HEATR5A: variants seen among roughly 807,000 people sequenced by gnomAD.
The protein encoded by HEATR5A is HEAT repeat containing 5A.
In HEATR5A, 178 loss-of-function variants were observed where a neutral mutation model predicts 218.8. The observed-to-expected ratio is 0.81, with a 90% confidence interval of 0.72 to 0.92. The LOEUF (loss-of-function observed/expected upper bound fraction) is 0.92. Among genes scored for constraint, HEATR5A ranks in the 40% least tolerant of loss-of-function variants. The pLI is 0.00. For synonymous variants in HEATR5A, 864 were observed against 871.6 expected, an observed-to-expected ratio of 0.99 and a Z score of 0.15; for missense variants, 2,420 against 2,418.9, an observed-to-expected ratio of 1.00 and a Z score of -0.01.
chr14:31,387,513 T>A (rs2139283817), intron 7 of HEATR5A, 138 bp from the exon 8 acceptor site: 1 of 725,666 alleles, frequency 1.4e-6, no homozygotes, highest in South Asian at 2.0e-5. Flanking sequence ...CCACTTGAAA[T>A]ATACAAACAT....
intron 7 of HEATR5A, 128 bp downstream of exon 7, chr14:31,388,717 A>G (rs775717781): frequency 1.4e-5 from 9 of 629,492 alleles, no homozygotes; most frequent in Non-Finnish European, 2.4e-5. Context: ...CTTACCATTT[A>G]TATCTATTTA....
intron 4 of HEATR5A, among the ~76,000 whole-genome samples, chr14:31,397,559 C>T (rs912573206): frequency 5.3e-5 from 8 of 150,730 alleles, no homozygotes; most frequent in African/African-American, 2.0e-4. Context: ...CTTGTGAGGC[C>T]GAGGCTGGAG....
intron 3 of HEATR5A, among the ~76,000 whole-genome samples, chr14:31,399,161 A>C (rs1402875052): frequency 6.6e-6 from 1 of 152,242 alleles, no homozygotes; most frequent in Non-Finnish European, 1.5e-5. Flanking sequence ...ATACAGTTAT[A>C]CTGGCATCAT....
intron 28 of HEATR5A, 48 bp from the exon 29 acceptor site, chr14:31,309,230 T>G (rs753145350): frequency 6.3e-7 from 1 of 1,577,440 alleles, no homozygotes; most frequent in Non-Finnish European, 8.6e-7. Flanking sequence ...TTCCAATATA[T>G]TTTCTCTTTT....
chr14:31,297,970 T>G (rs1404175338), intron 33 of HEATR5A, among the ~76,000 whole-genome samples: 2 of 152,216 alleles, frequency 1.3e-5, no homozygotes, highest in African/African-American at 2.4e-5. Flanking sequence ...CTAATTTGTT[T>G]AGTAAAAATG....
rs1216255347 is a variant in HEATR5A, at chr14:31,388,290, G to A, written c.933+555C>T. On this transcript the variant is annotated intron_variant, in intron 7 of 35. Transcript: ENST00000543095. ...TCAAAAATACAAGTTTGCTTTGAATGATAACGGTGTTTAGAAAAAAAAAGA... is the reference window on the plus strand; with the variant it reads ...TCAAAAATACAAGTTTGCTTTGAATAATAACGGTGTTTAGAAAAAAAAAGA... Among the ~76,000 whole-genome samples, 4 of 152,088 alleles carry A rather than the reference G, an allele frequency of 2.6e-5. 1 individual carries two copies. Among genetic ancestry groups the A allele is most frequent in the Non-Finnish European group, 5.9e-5 (4 of 68,016 alleles).
At chr14:31,337,704 TCTGTCCAGCCCATCAGTGGG>T in intron 21 of HEATR5A, 90 bp from the exon 22 acceptor site, 1 of 1,128,330 alleles carries the variant, frequency 8.9e-7, no homozygotes, top group Admixed American at 2.5e-5. Context: ...CCTTCCTGAT[TCTGTCCAGCCCATCAGTGGG>T]CTGGACACAA....
chr14:31,373,611 G>A (rs1025863428), intron 12 of HEATR5A, among the ~76,000 whole-genome samples: 5 of 152,114 alleles, frequency 3.3e-5, no homozygotes, highest in Admixed American at 6.5e-5. Context: ...GATTACAAGC[G>A]TGAGCCACAG....
intron 6 of HEATR5A, among the ~76,000 whole-genome samples, chr14:31,393,639 T>C (rs768400056): frequency 2.8e-5 from 4 of 141,966 alleles, no homozygotes; most frequent in African/African-American, 1.0e-4. Flanking sequence ...CCTACAGCAA[T>C]GTTTATGAAT....
intron 11 of HEATR5A, among the ~76,000 whole-genome samples, chr14:31,377,704 C>T (rs185562739): frequency 7.3e-4 from 111 of 151,946 alleles, no homozygotes; most frequent in African/African-American, 2.5e-3. Context: ...CCCGAGCCTG[C>T]GGAGGTCGAG....
At chr14:31,337,638 G>A (rs756742142) in intron 21 of HEATR5A, 24 bp from the exon 22 acceptor site, 10 of 1,586,690 alleles carry the variant, frequency 6.3e-6, no homozygotes, top group African/African-American at 1.3e-5. Flanking sequence ...TTTGAGGAAC[G>A]ACAGAGCTAA....
chr14:31,413,573 G>A (rs1242118963), intron 1 of HEATR5A, among the ~76,000 whole-genome samples: 1 of 152,044 alleles, frequency 6.6e-6, no homozygotes, highest in Admixed American at 6.6e-5. Flanking sequence ...GTTCTGGGGG[G>A]TGGGAGGGGA....
intron 19 of HEATR5A, among the ~76,000 whole-genome samples, chr14:31,346,634 G>C (rs1364289363): frequency 1.3e-5 from 2 of 152,216 alleles, no homozygotes; most frequent in African/African-American, 4.8e-5. Context: ...GGGGTCAGTT[G>C]ATGGGACTGG....
At chr14:31,321,794 C>A in intron 24 of HEATR5A, 114 bp from the exon 25 acceptor site, 1 of 730,280 alleles carries the variant, frequency 1.4e-6, no homozygotes, top group South Asian at 2.0e-5. Flanking sequence ...GTACCTCTGA[C>A]TTGATATACT....
chr14:31,367,461 G>A (rs150315842), intron 13 of HEATR5A, among the ~76,000 whole-genome samples: 1,898 of 151,012 alleles, frequency 0.013, 25 homozygotes, highest in African/African-American at 0.037. Context: ...GTGCAGTGGC[G>A]TGATCTTGAC....
At position 31,358,751 on chromosome 14, in the gene HEATR5A, T is replaced by A; in HGVS notation, c.2297A>T (p.Glu766Val). 1 of 1,613,852 alleles carries A rather than the reference T, an allele frequency of 6.2e-7. No individual in the cohort carries two copies. The highest frequency in any genetic ancestry group is 1.1e-5 in the South Asian group (1 of 91,072). The change falls in exon 16 of 36, where the codon GAG becomes GTG. Residue 766 changes from glutamate to valine, a missense_variant. Glu to Val is a moderately radical substitution (Grantham distance 121, BLOSUM62 -2). Transcript: ENST00000543095. ...SLEYDPYSIYEKDVEGDSVPK... is the reference protein window; with the variant it reads ...SLEYDPYSIYVKDVEGDSVPK... Reference sequence around the variant, plus strand: ...CACTGAATCTCCCTCTACATCTTTCTCATAAATCGAATAAGGGTCATATTC... The same window carrying A: ...CACTGAATCTCCCTCTACATCTTTCACATAAATCGAATAAGGGTCATATTC...
intron 11 of HEATR5A, among the ~76,000 whole-genome samples, chr14:31,376,594 T>C (rs1014868842): frequency 8.5e-5 from 13 of 152,136 alleles, no homozygotes; most frequent in Middle Eastern, 6.3e-3. Context: ...AGACAAGATA[T>C]GGAGGAATCT....
At chr14:31,374,763 AG>A (rs1566773267) in intron 12 of HEATR5A, 52 bp downstream of exon 12, 9 of 1,519,466 alleles carry the variant, frequency 5.9e-6, no homozygotes, top group African/African-American at 2.8e-5. Flanking sequence ...TTAAAGACAA[AG>A]GGTGGGTAAA....
At chr14:31,391,555 A>G (rs1334411494) in intron 6 of HEATR5A, among the ~76,000 whole-genome samples, 1 of 151,262 alleles carries the variant, frequency 6.6e-6, no homozygotes, top group Non-Finnish European at 1.5e-5. Context: ...AAAAATACAC[A>G]TTTTTTAAAT....
Sources: gnomAD v4.1 joint callset for allele counts (sites outside exome capture counted in the v4.1 genomes callset) on GRCh38, gnomAD v4.1.1 for gene constraint, MANE v1.5 for transcripts, NCBI Gene and HGNC (gene_info 2026-07-23, HGNC 2026-07-21) for gene names.